BABAM1: variants seen among roughly 807,000 people sequenced by gnomAD.
BABAM1 encodes BRISC and BRCA1-A complex member 1.
BABAM1 carries 14 observed loss-of-function variants against 34.4 expected under a neutral mutation model. The ratio of observed to expected loss-of-function variants is 0.41; its 90% CI spans 0.27 to 0.64. BABAM1 has a LOEUF of 0.64. Ranked by LOEUF, BABAM1 falls within the 30% of genes least tolerant of loss-of-function variation. The pLI, the probability that BABAM1 is intolerant of heterozygous loss-of-function variation, is 0.34. For synonymous variants in BABAM1, 169 were observed against 165.8 expected (o/e 1.02, Z -0.15); for missense variants, 393 against 434.0 (o/e 0.91, Z 0.84).
Position 17,275,844 on chromosome 19 carries a change from A to G in BABAM1, c.569+19A>G. The G allele has an allele frequency of 6.2e-7, 1 of 1,610,742 alleles. No homozygotes were observed. Among genetic ancestry groups the G allele is most frequent in the Non-Finnish European group, 8.5e-7 (1 of 1,177,000 alleles). On this transcript the variant is annotated intron_variant, in intron 6 of 8. Coordinates refer to ENST00000598188, the MANE Select transcript of BABAM1 (RefSeq NM_014173.4). ...GCCTCATGTAAGTCCCCTGTGGGGA[A>G]ATTCTTATTCACCTTCAAAGAGAAG...
At position 17,267,492 on chromosome 19, in the gene BABAM1, G is replaced by A. The variant is rs1465206398; in HGVS notation, c.-49G>A. The A allele has an allele frequency of 1.3e-5, 2 of 152,174 alleles. No homozygotes were observed. Among genetic ancestry groups the A allele is most frequent in the South Asian group, 2.1e-4 (1 of 4,834 alleles). 9.4% of individuals were successfully genotyped at this position (152,174 alleles called of 1,614,324 possible). ...GCGGCTTCCTAGTGAGTCGGCGGCT[G>A]ATTTAGAAGGAGGTTCAGGCTACGG... is the stretch of plus-strand genomic sequence containing the variant. On this transcript the variant is annotated 5_prime_UTR_variant, in exon 1 of 9. Coordinates refer to ENST00000598188, the MANE Select transcript of BABAM1 (RefSeq NM_014173.4).
At position 17,273,998 on chromosome 19, in the gene BABAM1, G is replaced by C. The variant is rs368260405; in HGVS notation, c.439G>C (p.Val147Leu). Residue 147 changes from valine (V) to leucine (L), a missense_variant, in exon 4 of 9, where the codon GTG becomes CTG. Physicochemically the swap from Val to Leu is conservative, Grantham distance 32. Transcript: ENST00000598188. ...CGACAAAAGCCACGAGTTTGCACTGGTGGTGGTGAACGATGACACGGCCTG... is the reference window on the plus strand; with the variant it reads ...CGACAAAAGCCACGAGTTTGCACTGCTGGTGGTGAACGATGACACGGCCTG... ...KIDKSHEFAL[V>L]VVNDDTAWLS... The C allele has an allele frequency of 7.4e-6, 12 of 1,613,850 alleles. No individual in the cohort carries two copies. The highest frequency in any genetic ancestry group is 1.7e-5 in the Admixed American group (1 of 59,992).
At chr19:17,277,083 A>C (rs2073918448) in intron 8 of BABAM1, 174 bp downstream of exon 8, 1 of 618,000 alleles carries the variant, frequency 1.6e-6, no homozygotes, top group African/African-American at 1.9e-5. Context: ...GCTGTGACTG[A>C]TGGGGTGGCA....
Position 17,267,528 on chromosome 19 carries a change from G to T in BABAM1, c.-14+1G>T, listed in dbSNP as rs113704445. The T allele has an allele frequency of 4.7e-4, 72 of 152,354 alleles. No individual in the cohort carries two copies. Among genetic ancestry groups the T allele is most frequent in the African/African-American group, 1.6e-3 (68 of 41,588 alleles). The allele number at this position is 152,354 out of a possible 1,614,324, so 9.4% of individuals were successfully genotyped here. A position where few individuals can be genotyped will look rare whatever the true frequency, so the allele number is the denominator to read the frequency against. The stretch of plus-strand genomic sequence containing the variant: ...AGGTTCAGGCTACGGTGAGCCGAAG[G>T]TGGGTGGTGAAAGCGTGTGGGGCCC... On this transcript the variant is annotated splice_donor_variant, in intron 1 of 8. Coordinates refer to ENST00000598188, the MANE Select transcript of BABAM1 (RefSeq NM_014173.4). LOFTEE classifies it low-confidence loss of function (5UTR_SPLICE).
At chr19:17,272,888 C>T (rs865909457) in intron 3 of BABAM1, among the ~76,000 whole-genome samples, 30 of 152,070 alleles carry the variant, frequency 2.0e-4, no homozygotes, top group Admixed American at 3.3e-4. Context: ...CACGGTGGTG[C>T]GTGCCTGTAA....
At chr19:17,272,487 G>A (rs1048284094) in intron 3 of BABAM1, among the ~76,000 whole-genome samples, 1 of 151,138 alleles carries the variant, frequency 6.6e-6, no homozygotes, top group Non-Finnish European at 1.5e-5. Flanking sequence ...CTCACTGCAA[G>A]CTCCGCCTCC....
chr19:17,275,824 A>G lies in BABAM1; in HGVS notation c.568A>G (p.Ile190Val). ...TFNLEGLFSL[I>V]QQKTELPVTE... Reference sequence around the variant, plus strand: ...AGATCTGGAAGGACTTTTCAGCCTCATGTAAGTCCCCTGTGGGGAAATTCT... The same window carrying G: ...AGATCTGGAAGGACTTTTCAGCCTCGTGTAAGTCCCCTGTGGGGAAATTCT... The change falls in exon 6 of 9, where the codon ATC becomes GTC. Residue 190 changes from isoleucine (I) to valine (V), a missense_variant and splice_region_variant. By Grantham distance (29) the Ile-to-Val change is conservative (BLOSUM62 3). Transcript: ENST00000598188. The G allele has an allele frequency of 6.2e-7, 1 of 1,613,638 alleles. No homozygotes were observed. Among genetic ancestry groups the G allele is most frequent in the Non-Finnish European group, 8.5e-7 (1 of 1,179,608 alleles).
intron 2 of BABAM1, among the ~76,000 whole-genome samples, chr19:17,269,782 T>C (rs866807063): frequency 6.6e-6 from 1 of 151,634 alleles, no homozygotes; most frequent in African/African-American, 2.4e-5. Context: ...CAGGCTGGAG[T>C]GCAGTGGTGT....
intron 3 of BABAM1, among the ~76,000 whole-genome samples, chr19:17,273,685 C>T (rs2073873333): frequency 6.6e-6 from 1 of 150,810 alleles, no homozygotes. Flanking sequence ...GACTCAGCCT[C>T]CTGAGTAGCT....
chr19:17,278,867 G>A lies in BABAM1; in HGVS notation c.809G>A (p.Ser270Asn). The change falls in exon 9 of 9, where the codon AGC (serine) becomes AAC (asparagine). Residue 270 changes from serine to asparagine, a missense_variant. Physicochemically the swap from Ser to Asn is conservative, Grantham distance 46 (BLOSUM62 1). Transcript: ENST00000598188. ...CAGGATATGTTTGCCTTCATGGGCA[G>A]CCTGGATACCAAGGGTACCAGCTAC... is the stretch of plus-strand genomic sequence containing the variant. ...SWKDMFAFMGSLDTKGTSYKY... is the reference protein window; with the variant it reads ...SWKDMFAFMGNLDTKGTSYKY... 1 of 1,613,202 alleles carries A rather than the reference G, an allele frequency of 6.2e-7. No individual in the cohort carries two copies. The highest frequency in any genetic ancestry group is 8.5e-7 in the Non-Finnish European group (1 of 1,179,680).
intron 2 of BABAM1, among the ~76,000 whole-genome samples, chr19:17,270,442 T>G (rs567082056): frequency 1.3e-5 from 2 of 152,292 alleles, no homozygotes; most frequent in South Asian, 2.1e-4. Flanking sequence ...ATAAGGACAC[T>G]TGTCATCAAA....
intron 2 of BABAM1, among the ~76,000 whole-genome samples, chr19:17,270,337 C>T (rs532390298): frequency 2.6e-5 from 4 of 152,116 alleles, no homozygotes; most frequent in South Asian, 2.1e-4. Context: ...TGTTAGCCAC[C>T]GCGCCTGGCT....
chr19:17,273,006 G>A (rs1176144835), intron 3 of BABAM1, among the ~76,000 whole-genome samples: 3 of 152,040 alleles, frequency 2.0e-5, no homozygotes, highest in African/African-American at 4.8e-5. Flanking sequence ...CAACAAGAAC[G>A]AAACTCCATC....
chr19:17,272,578 T>C (rs186478214), intron 3 of BABAM1, among the ~76,000 whole-genome samples: 4 of 151,736 alleles, frequency 2.6e-5, no homozygotes, highest in Non-Finnish European at 4.4e-5. Context: ...CTAATTTTTT[T>C]GTATTTTTAG....
chr19:17,271,138 G>A (rs1385118293), intron 2 of BABAM1, among the ~76,000 whole-genome samples: 3 of 151,980 alleles, frequency 2.0e-5, no homozygotes, highest in Admixed American at 1.3e-4. Flanking sequence ...ACAGGTAGGT[G>A]CCACCACACC....
chr19:17,267,708 G>A (rs2073784802), intron 1 of BABAM1, among the ~76,000 whole-genome samples, 181 bp downstream of exon 1: 1 of 152,176 alleles, frequency 6.6e-6, no homozygotes, highest in African/African-American at 2.4e-5. Context: ...GGGACTGCAA[G>A]GCGCTCAAAG....
At chr19:17,272,395 AC>A (rs2073851526) in intron 3 of BABAM1, among the ~76,000 whole-genome samples, 1 of 149,186 alleles carries the variant, frequency 6.7e-6, no homozygotes, top group Admixed American at 6.7e-5. Flanking sequence ...ACAGAGCGAG[AC>A]CCTGTCCCTT....
At chr19:17,273,093 C>T (rs1026871333) in intron 3 of BABAM1, among the ~76,000 whole-genome samples, 5 of 152,192 alleles carry the variant, frequency 3.3e-5, no homozygotes, top group Non-Finnish European at 1.5e-5. Flanking sequence ...CATTGAGGCT[C>T]CATTCATAGC....
intron 3 of BABAM1, among the ~76,000 whole-genome samples, chr19:17,272,888 C>G (rs865909457): frequency 6.6e-6 from 1 of 151,952 alleles, no homozygotes; most frequent in Non-Finnish European, 1.5e-5. Context: ...CACGGTGGTG[C>G]GTGCCTGTAA....
Sources: gnomAD v4.1 joint callset for allele counts (sites outside exome capture counted in the v4.1 genomes callset) on GRCh38, gnomAD v4.1.1 for gene constraint, MANE v1.5 for transcripts, NCBI Gene and HGNC (gene_info 2026-07-23, HGNC 2026-07-21) for gene names.